The following GORASP2 variants were observed in gnomAD, a reference collection of about 807,000 sequenced individuals.
The protein encoded by GORASP2 is Golgi reassembly-stacking protein 2.
A neutral mutation model predicts 45.7 loss-of-function variants in GORASP2; 22 were observed. The observed-to-expected ratio is 0.48, with a 90% CI of 0.34 to 0.69. GORASP2 has a LOEUF of 0.69. GORASP2 is among the 30% of genes least tolerant of loss of function. GORASP2 has a pLI of 0.01. For synonymous variants in GORASP2, 221 were observed against 215.6 expected (o/e 1.02, Z -0.22); for missense variants, 491 against 562.7 (o/e 0.87, Z 1.29).
At chr2:170,949,770 G>A (rs780839430) in intron 3 of GORASP2, 28 bp downstream of exon 3, 3 of 1,458,834 alleles carry the variant, frequency 2.1e-6, no homozygotes, top group African/African-American at 1.4e-5. Flanking sequence ...ACTGTTACTG[G>A]AGGTTCATGA....
At chr2:170,961,342 A>G (rs931224605) in intron 7 of GORASP2, among the ~76,000 whole-genome samples, 1 of 152,376 alleles carries the variant, frequency 6.6e-6, no homozygotes, top group Non-Finnish European at 1.5e-5. Context: ...TGTCCCATAT[A>G]CAAATTTCTA....
In GORASP2 at chr2:170,950,940, C is replaced by T. The variant is rs141574921; in HGVS notation, c.436-388C>T. Among the ~76,000 whole-genome samples the T allele has an allele frequency of 2.3e-3, 348 of 152,136 alleles. 2 individuals carry two copies. The highest frequency in any genetic ancestry group is 8.2e-3 in the African/African-American group (339 of 41,502). On this transcript the variant is annotated intron_variant, in intron 4 of 9. Transcript: ENST00000234160. ...GAGGCTGCAGTGAGGCAAAATCATG[C>T]CACTGCACTCTAGCCCAGGCAACAG...
chr2:170,950,425 C>A (rs1477717942), intron 4 of GORASP2, 135 bp downstream of exon 4: 1 of 516,266 alleles, frequency 1.9e-6, no homozygotes, highest in African/African-American at 2.0e-5. Flanking sequence ...ACTTAAGCCT[C>A]AGGGTGTTAA....
intron 1 of GORASP2, among the ~76,000 whole-genome samples, chr2:170,947,847 G>T (rs1290411279): frequency 1.3e-5 from 2 of 152,192 alleles, no homozygotes; most frequent in African/African-American, 4.8e-5. Context: ...TAGGCCCGGT[G>T]CAGTGGCTCA....
chr2:170,950,081 A>G, intron 3 of GORASP2, 123 bp from the exon 4 acceptor site: 1 of 582,968 alleles, frequency 1.7e-6, no homozygotes, highest in East Asian at 3.1e-5. Flanking sequence ...GACATCTGAC[A>G]CATCTCTAGC....
At chr2:170,944,964 C>A (rs531539554) in intron 1 of GORASP2, among the ~76,000 whole-genome samples, 6 of 152,110 alleles carry the variant, frequency 3.9e-5, no homozygotes, top group African/African-American at 7.2e-5. Flanking sequence ...TAATTGATAA[C>A]CACCTAATAG....
intron 1 of GORASP2, among the ~76,000 whole-genome samples, chr2:170,943,852 T>A (rs920047222): frequency 5.9e-5 from 9 of 152,062 alleles, no homozygotes; most frequent in Non-Finnish European, 1.0e-4. Context: ...TTTTAAAAAA[T>A]TTTTGTAGAG....
At chr2:170,934,259 G>A (rs6730175) in intron 1 of GORASP2, among the ~76,000 whole-genome samples, 1 of 144,798 alleles carries the variant, frequency 6.9e-6, no homozygotes, top group Non-Finnish European at 1.5e-5. Flanking sequence ...TTTTTTTTTT[G>A]TTGTTGTTGT....
chr2:170,937,936 C>G (rs1703994179), intron 1 of GORASP2, among the ~76,000 whole-genome samples: 1 of 152,200 alleles, frequency 6.6e-6, no homozygotes. Flanking sequence ...CCAGCTCTAT[C>G]ACTTCATTCT....
intron 3 of GORASP2, 122 bp from the exon 4 acceptor site, chr2:170,950,082 C>T: frequency 1.7e-6 from 1 of 581,252 alleles, no homozygotes; most frequent in Non-Finnish European, 3.1e-6. Flanking sequence ...ACATCTGACA[C>T]ATCTCTAGCA....
intron 7 of GORASP2, among the ~76,000 whole-genome samples, chr2:170,958,674 TAAA>T (rs71008732): frequency 0.016 from 1,575 of 99,060 alleles, 35 homozygotes; most frequent in African/African-American, 0.032. Flanking sequence ...TTTTTTTTTT[TAAA>T]AAAAAAAAAA....
chr2:170,950,803 G>A (rs1298892019), intron 4 of GORASP2, among the ~76,000 whole-genome samples: 3 of 152,120 alleles, frequency 2.0e-5, no homozygotes, highest in Non-Finnish European at 4.4e-5. Context: ...GCAGCATAGT[G>A]AGACCTTGTC....
chr2:170,929,167 C>T, upstream of GORASP2: 1 of 448,826 alleles, frequency 2.2e-6, no homozygotes, highest in Non-Finnish European at 3.7e-6. Context: ...CTGTCTGCGG[C>T]GTCGCAGCGG....
Position 170,965,966 on chromosome 2 carries a change from A to G in GORASP2, c.1195A>G (p.Thr399Ala). The change falls in exon 10 of 10, where the codon ACA (threonine) becomes GCA (alanine). Residue 399 changes from threonine to alanine, a missense_variant. This residue lies in a region of GORASP2 where 297 missense variants were observed against 292.3 expected (regional missense o/e 1.02). Coordinates refer to ENST00000234160, the MANE Select transcript of GORASP2 (RefSeq NM_015530.5). ...PTSNAPSDPA[T>A]TTAKADAASS... is the part of the protein sequence containing the mutation. ...CAGCAACGCACCCTCCGACCCTGCC[A>G]CAACTACTGCAAAGGCAGACGCTGC... is the stretch of plus-strand genomic sequence containing the variant. 6.2e-7 allele frequency: 1 copy of G among 1,613,938 alleles called. No homozygotes were observed. The highest frequency in any genetic ancestry group is 1.1e-5 in the South Asian group (1 of 91,072).
chr2:170,951,516 G>A (rs1704298209), intron 5 of GORASP2, 58 bp downstream of exon 5: 2 of 1,267,110 alleles, frequency 1.6e-6, no homozygotes, highest in Non-Finnish European at 2.2e-6. Context: ...CAGATATGTT[G>A]CAGACATTGA....
rs769860775 is a variant in GORASP2, at chr2:170,965,784, TC to T, written c.1019-4del. The stretch of plus-strand genomic sequence containing the variant: ...GGATGTATGATCTATGCCGTTTTTG[TC>T]CTAGGTCTGCCACCTCTTCCTTCCA... On this transcript the variant is annotated splice_polypyrimidine_tract_variant and splice_region_variant and intron_variant, in intron 9 of 9. Coordinates refer to ENST00000234160, the MANE Select transcript of GORASP2 (RefSeq NM_015530.5). The T allele has an allele frequency of 1.9e-6, 3 of 1,606,808 alleles. No homozygotes were observed. In the Admixed American group the frequency reaches 5.0e-5, roughly 27 times the overall value.
chr2:170,942,545 G>A (rs1165399130), intron 1 of GORASP2, among the ~76,000 whole-genome samples: 1 of 152,230 alleles, frequency 6.6e-6, no homozygotes, highest in Non-Finnish European at 1.5e-5. Context: ...ATGTCATAGC[G>A]TGCATTGGTA....
rs4668352 is a variant in GORASP2 at position 170,957,240 on chromosome 2, C to T, written c.823+681C>T. Reference sequence around the variant, plus strand: ...TGAGTAGGAACTCCTTTCTGAGGAGCTCAGTCTTGCTTAGGGGACATGTGC... The same window carrying T: ...TGAGTAGGAACTCCTTTCTGAGGAGTTCAGTCTTGCTTAGGGGACATGTGC... On this transcript the variant is annotated intron_variant, in intron 7 of 9. Transcript: ENST00000234160. 3.7e-3 allele frequency among the ~76,000 whole-genome samples: 561 copies of T among 151,902 alleles called. 9 individuals are homozygous for T. In the South Asian group the frequency reaches 0.042, roughly 11 times the overall value.
Position 170,956,523 on chromosome 2 carries a change from T to G in GORASP2, c.787T>G (p.Ser263Ala). Residue 263 changes from serine to alanine, a missense_variant, in exon 7 of 10, where the codon TCA becomes GCA. Ser to Ala is a moderately conservative substitution (Grantham distance 99). Around this residue, in one of 2 missense-constraint regions of GORASP2, gnomAD observed 297 missense variants for 292.3 expected, o/e 1.02. Coordinates refer to ENST00000234160, the MANE Select transcript of GORASP2 (RefSeq NM_015530.5). ...EQSLTGLSIS[S>A]TPPAVSSVLS... ...GAGTCTGACTGGACTTTCTATTAGC[T>G]CAACTCCACCAGCTGTCAGTAGTGT... is the stretch of plus-strand genomic sequence containing the variant. 6.2e-7 allele frequency: 1 copy of G among 1,613,240 alleles called. No individual in the cohort carries two copies. The highest frequency in any genetic ancestry group is 8.5e-7 in the Non-Finnish European group (1 of 1,179,300).
Sources: allele counts gnomAD v4.1 joint callset (sites outside exome capture counted in the v4.1 genomes callset), GRCh38; gene constraint gnomAD v4.1.1; regional missense constraint gnomAD v4.1.1; transcripts MANE v1.5; gene names NCBI Gene and HGNC (gene_info 2026-07-23, HGNC 2026-07-21).